Variants in CTBP2 observed in about 807,000 individuals in gnomAD.
CTBP2 encodes C-terminal-binding protein 2.
In CTBP2, 30 loss-of-function variants were observed where a neutral mutation model predicts 80.3. That is an observed-to-expected ratio of 0.37 (90% CI 0.28 to 0.51). The LOEUF is 0.51. Ranked by LOEUF, CTBP2 falls within the 20% of genes least tolerant of loss-of-function variation. CTBP2 has a pLI of 0.93. For missense variants in CTBP2, 1,212 were observed against 1,375.3 expected (o/e 0.88, Z 1.88); for synonymous variants, 594 against 587.4 (o/e 1.01, Z -0.16).
At chr10:125,007,853 C>T (rs1955435898) in intron 1 of CTBP2, among the ~76,000 whole-genome samples, 1 of 152,168 alleles carries the variant, frequency 6.6e-6, no homozygotes, top group Non-Finnish European at 1.5e-5. Flanking sequence ...AGACAACCTG[C>T]CCCAGGGTAA....
Position 124,989,094 on chromosome 10 carries a change from C to T in CTBP2, c.*424G>A, listed in dbSNP as rs796579182. ...CCTATTAGCAAAAAGAGGTCACCAG[C>T]CCCTGTAGACTTAAGGGACTCAAGT... is the stretch of plus-strand genomic sequence containing the variant. On this transcript the variant is annotated 3_prime_UTR_variant, in exon 9 of 9. Coordinates refer to ENST00000309035, the MANE Select transcript of CTBP2 (RefSeq NM_022802.3). The T allele has an allele frequency of 4.0e-5, 9 of 223,506 alleles. No individual in the cohort carries two copies. The highest frequency in any genetic ancestry group is 1.1e-4 in the South Asian group (2 of 17,912). The allele number at this position is 223,506 out of a possible 1,614,324, so 13.8% of individuals were successfully genotyped here. A position where few individuals can be genotyped will look rare whatever the true frequency, so the allele number is the denominator to read the frequency against.
intron 1 of CTBP2, among the ~76,000 whole-genome samples, chr10:125,123,309 T>TA (rs1564974388): frequency 1.3e-5 from 2 of 152,220 alleles, no homozygotes; most frequent in Non-Finnish European, 2.9e-5. Context: ...GAGTGCATGT[T>TA]ACACTAGGGA....
rs141522273 is a variant in CTBP2, at chr10:125,027,583, G to A, written c.177C>T (p.Asp59=). The A allele has an allele frequency of 1.3e-4, 212 of 1,613,988 alleles. No individual in the cohort carries two copies. Among genetic ancestry groups the A allele is most frequent in the Non-Finnish European group, 1.6e-4 (186 of 1,180,034 alleles). ...GCTCGGCGGCCACGGGCAGGGCAGCGTCCTGTGGTCGGTGGTTTGGCTCAA... is the reference window on the plus strand; with the variant it reads ...GCTCGGCGGCCACGGGCAGGGCAGCATCCTGTGGTCGGTGGTTTGGCTCAA... The change falls in exon 1 of 9, where the codon GAC becomes GAT. Residue 59 remains aspartate (D), a synonymous_variant. Coordinates refer to ENST00000309035, the MANE Select transcript of CTBP2 (RefSeq NM_022802.3).
At chr10:125,064,566 T>C (rs1195605700) in intron 2 of CTBP2, among the ~76,000 whole-genome samples, 1 of 152,232 alleles carries the variant, frequency 6.6e-6, no homozygotes, top group Non-Finnish European at 1.5e-5. Flanking sequence ...CACAATCCAT[T>C]GTCCAAGTTT....
At chr10:125,074,121 T>A (rs374895234) in intron 2 of CTBP2, among the ~76,000 whole-genome samples, 6 of 152,206 alleles carry the variant, frequency 3.9e-5, no homozygotes, top group African/African-American at 1.4e-4. Flanking sequence ...ACCCTCTAGA[T>A]ACCAGCAGCA....
chr10:125,155,377 A>C (rs1860729642), intron 1 of CTBP2, among the ~76,000 whole-genome samples: 1 of 151,382 alleles, frequency 6.6e-6, no homozygotes, highest in South Asian at 2.1e-4. Context: ...CCTATTGTAC[A>C]TTCTGTATTC....
chr10:124,999,227 C>A (rs915758677), intron 3 of CTBP2: 1 of 152,280 alleles, frequency 6.6e-6, no homozygotes, highest in Non-Finnish European at 1.5e-5. Flanking sequence ...CTGGGCATCA[C>A]GTCAGCCCAA....
intron 1 of CTBP2, among the ~76,000 whole-genome samples, chr10:125,113,917 T>C (rs1466278006): frequency 6.6e-6 from 1 of 152,238 alleles, no homozygotes; most frequent in Non-Finnish European, 1.5e-5. Context: ...TTAAAAGGCT[T>C]GGAAGACTGT....
intron 2 of CTBP2, among the ~76,000 whole-genome samples, chr10:125,106,237 C>T (rs778218117): frequency 6.8e-6 from 1 of 147,166 alleles, no homozygotes; most frequent in Admixed American, 6.7e-5. Flanking sequence ...ACCAAGTGCT[C>T]TTCCTCCCAC....
intron 1 of CTBP2, among the ~76,000 whole-genome samples, chr10:125,116,332 G>A (rs553477742): frequency 9.9e-4 from 151 of 152,288 alleles, no homozygotes; most frequent in Non-Finnish European, 1.7e-3. Context: ...CTGTTAGGAC[G>A]AGTGAACGCC....
At chr10:125,044,940 G>A (rs1425246944) in intron 2 of CTBP2, among the ~76,000 whole-genome samples, 2 of 152,212 alleles carry the variant, frequency 1.3e-5, no homozygotes, top group African/African-American at 4.8e-5. Flanking sequence ...AGCTTTTTGA[G>A]AAAATCAGGA....
At chr10:125,146,971 G>A (rs975724093) in intron 1 of CTBP2, among the ~76,000 whole-genome samples, 2 of 152,110 alleles carry the variant, frequency 1.3e-5, no homozygotes, top group African/African-American at 4.8e-5. Context: ...CAGCAGATCT[G>A]CCACCCAGCT....
At chr10:125,160,368 C>G (rs1473236447) in exon 1 of CTBP2, 2 of 154,990 alleles carry the variant, frequency 1.3e-5, no homozygotes. Context: ...ACCCTGGAGG[C>G]GGCGGCGGCG....
chr10:125,048,396 A>G (rs891136455), intron 2 of CTBP2, among the ~76,000 whole-genome samples: 5 of 152,222 alleles, frequency 3.3e-5, no homozygotes, highest in Non-Finnish European at 7.3e-5. Flanking sequence ...GCCTGGGCCC[A>G]TGGATGAGAT....
intron 2 of CTBP2, among the ~76,000 whole-genome samples, chr10:125,109,111 T>A (rs2135908249): frequency 6.6e-6 from 1 of 152,366 alleles, no homozygotes; most frequent in South Asian, 2.1e-4. Flanking sequence ...GAAAGTGTCC[T>A]CATTCAACCA....
intron 2 of CTBP2, among the ~76,000 whole-genome samples, chr10:125,097,689 G>A (rs191688708): frequency 1.3e-5 from 2 of 152,272 alleles, no homozygotes; most frequent in African/African-American, 2.4e-5. Flanking sequence ...GCATGCACAC[G>A]TGTGAGCATG....
chr10:125,101,401 G>A (rs1484048841), intron 2 of CTBP2, among the ~76,000 whole-genome samples: 2 of 152,234 alleles, frequency 1.3e-5, no homozygotes, highest in East Asian at 3.8e-4. Flanking sequence ...TGTCCATTAC[G>A]AAACAGATGT....
At chr10:125,122,752 G>A (rs1182110732) in intron 1 of CTBP2, 2 of 152,144 alleles carry the variant, frequency 1.3e-5, no homozygotes, top group Non-Finnish European at 2.9e-5. Context: ...CTGCTGAGAC[G>A]CGACGAGGTA....
chr10:125,104,853 G>C (rs957618283), intron 2 of CTBP2, among the ~76,000 whole-genome samples: 2 of 152,218 alleles, frequency 1.3e-5, no homozygotes, highest in African/African-American at 4.8e-5. Flanking sequence ...TGTTCAGCTG[G>C]TGTTAAATGA....
Sources: allele counts gnomAD v4.1 joint callset (sites outside exome capture counted in the v4.1 genomes callset), GRCh38; gene constraint gnomAD v4.1.1; transcripts MANE v1.5; gene names NCBI Gene and HGNC (gene_info 2026-07-23, HGNC 2026-07-21).